The following SYT9 variants were observed in gnomAD, a reference collection of about 807,000 sequenced individuals.
The protein encoded by SYT9 is synaptotagmin-9.
In SYT9, 22 loss-of-function variants were observed where a neutral mutation model predicts 48.4. That is an observed-to-expected ratio of 0.45 (90% confidence interval 0.32 to 0.65). The LOEUF (loss-of-function observed/expected upper bound fraction) is 0.65, where lower values mean the gene tolerates loss of function less well. SYT9 is among the 30% of genes least tolerant of loss of function. SYT9 has a pLI of 0.03. For missense variants in SYT9, 577 were observed against 622.0 expected, an observed-to-expected ratio of 0.93 and a Z score of 0.77; for synonymous variants, 265 against 245.0, an observed-to-expected ratio of 1.08 and a Z score of -0.76.
intron 6 of SYT9, among the ~76,000 whole-genome samples, chr11:7,464,513 C>G (rs1018158949): frequency 3.9e-5 from 6 of 152,174 alleles, no homozygotes; most frequent in African/African-American, 1.4e-4. Context: ...AACGCTGCAT[C>G]CTCCATTAAA....
intron 2 of SYT9, among the ~76,000 whole-genome samples, chr11:7,304,714 A>G (rs1001875701): frequency 1.3e-5 from 2 of 152,224 alleles, no homozygotes; most frequent in Non-Finnish European, 2.9e-5. Flanking sequence ...CTGCCGTTTG[A>G]TTTAGAAGAA....
intron 3 of SYT9, among the ~76,000 whole-genome samples, chr11:7,382,593 GAT>G (rs1184260894): frequency 2.0e-5 from 3 of 152,186 alleles, no homozygotes; most frequent in Non-Finnish European, 4.4e-5. Flanking sequence ...GCATGGAAGA[GAT>G]ATAAATGTTG....
At chr11:7,247,819 C>G (rs146958992), upstream of SYT9, among the ~76,000 whole-genome samples, 1,060 of 151,764 alleles carry the variant, frequency 7.0e-3, 6 homozygotes, top group Non-Finnish European at 8.6e-3. Context: ...GTATAATGAC[C>G]TCTTTTGCTC....
intron 3 of SYT9, among the ~76,000 whole-genome samples, chr11:7,353,425 A>T (rs549071724): frequency 6.6e-6 from 1 of 152,274 alleles, no homozygotes; most frequent in South Asian, 2.1e-4. Flanking sequence ...CTTCCCCAGG[A>T]ACCCCCTTGG....
chr11:7,309,814 AC>A (rs1849098143), intron 2 of SYT9, among the ~76,000 whole-genome samples: 1 of 152,054 alleles, frequency 6.6e-6, no homozygotes, highest in Non-Finnish European at 1.5e-5. Context: ...GTTATGAGTT[AC>A]CCTGGTTCTC....
chr11:7,244,123 C>T (rs538213506), intron 1 of SYT9, among the ~76,000 whole-genome samples: 1 of 152,270 alleles, frequency 6.6e-6, no homozygotes, highest in South Asian at 2.1e-4. Flanking sequence ...GCCCTCCGAC[C>T]TGGAACATGG....
intron 6 of SYT9, chr11:7,440,730 T>C (rs903928364): frequency 1.3e-5 from 2 of 152,224 alleles, no homozygotes; most frequent in Non-Finnish European, 2.9e-5. Context: ...TAGGTTGATA[T>C]TTAGAATGAG....
intron 1 of SYT9, among the ~76,000 whole-genome samples, chr11:7,254,741 TGA>T (rs1169860424): frequency 6.6e-6 from 1 of 152,176 alleles, no homozygotes; most frequent in Non-Finnish European, 1.5e-5. Context: ...GGCCACCCTG[TGA>T]TAGCTAGGTT....
intron 6 of SYT9, chr11:7,465,868 C>G (rs1030017870): frequency 6.0e-6 from 1 of 165,304 alleles, no homozygotes; most frequent in African/African-American, 2.7e-5. Context: ...CTGATAAACC[C>G]ATCAGATCTC....
upstream of SYT9, among the ~76,000 whole-genome samples, chr11:7,251,099 G>GAC (rs369736479): frequency 0.19 from 24,682 of 131,794 alleles, 1,926 homozygotes; most frequent in Admixed American, 0.23. Context: ...GTGGCACAGT[G>GAC]ACACACACAC....
chr11:7,423,623 T>C (rs1423350203), intron 6 of SYT9, among the ~76,000 whole-genome samples: 1 of 152,198 alleles, frequency 6.6e-6, no homozygotes, highest in Non-Finnish European at 1.5e-5. Flanking sequence ...CAGTTATAGT[T>C]GTTATTATGT....
intron 3 of SYT9, among the ~76,000 whole-genome samples, chr11:7,330,118 C>T (rs948726641): frequency 2.0e-5 from 3 of 152,062 alleles, no homozygotes; most frequent in African/African-American, 4.8e-5. Flanking sequence ...CAGCTTTACT[C>T]ATAATTGACA....
In SYT9 at chr11:7,252,789, A is replaced by T. The variant is rs1847898139; in HGVS notation, c.145+458A>T. Among the ~76,000 whole-genome samples, 1 of 152,224 alleles carries T rather than the reference A, an allele frequency of 6.6e-6. No individual in the cohort carries two copies. The highest frequency in any genetic ancestry group is 1.5e-5 in the Non-Finnish European group (1 of 68,030). ...GGCCGAATCCCACCGGGTGCTGCTC[A>T]TCCTTTCTCCCAAGCGTCTAGTTCC... On this transcript the variant is annotated intron_variant, in intron 1 of 6. Coordinates refer to ENST00000318881, the MANE Select transcript of SYT9 (RefSeq NM_175733.4). The surrounding 1 kb of genome is among the most constrained non-coding windows in gnomAD (Gnocchi z 6.3).
At chr11:7,272,224 C>T (rs1029759329) in intron 1 of SYT9, among the ~76,000 whole-genome samples, 5 of 152,088 alleles carry the variant, frequency 3.3e-5, no homozygotes, top group Non-Finnish European at 7.3e-5. Context: ...GACTTTGGGA[C>T]ACAGCATGCC....
In SYT9 at chr11:7,451,017, A is replaced by G. The variant is rs899281871; in HGVS notation, c.1468-15775A>G. On this transcript the variant is annotated intron_variant, in intron 6 of 6. Transcript: ENST00000318881. ...GAACAATGCCTTAGAATTTTTAAGA[A>G]AATTCTTTTGTTTCCATCCTGCTGG... 7.2e-5 allele frequency among the ~76,000 whole-genome samples: 11 copies of G among 152,240 alleles called. No individual in the cohort carries two copies. The South Asian group carries it at 2.3e-3, about 31-fold the overall frequency.
At chr11:7,257,419 G>A (rs1847994413) in intron 1 of SYT9, among the ~76,000 whole-genome samples, 1 of 151,928 alleles carries the variant, frequency 6.6e-6, no homozygotes, top group Non-Finnish European at 1.5e-5. Flanking sequence ...TGTCTAAATA[G>A]TGTGTCATTA....
intron 3 of SYT9, among the ~76,000 whole-genome samples, chr11:7,349,495 C>G (rs1405771203): frequency 6.6e-6 from 1 of 151,988 alleles, no homozygotes; most frequent in African/African-American, 2.4e-5. Flanking sequence ...GCCCCTGCCT[C>G]CAGCCAGTTG....
intron 3 of SYT9, among the ~76,000 whole-genome samples, chr11:7,357,660 C>T (rs971764689): frequency 6.6e-5 from 10 of 151,932 alleles, no homozygotes; most frequent in African/African-American, 1.7e-4. Context: ...ATTGTTGAAC[C>T]TGCTACCATG....
chr11:7,352,394 A>G (rs2134004841), intron 3 of SYT9, among the ~76,000 whole-genome samples: 1 of 152,320 alleles, frequency 6.6e-6, no homozygotes, highest in East Asian at 1.9e-4. Flanking sequence ...GTTTATGTAG[A>G]CTAGTCAGAA....
Sources: gnomAD v4.1 joint callset for allele counts (sites outside exome capture counted in the v4.1 genomes callset) on GRCh38, gnomAD v4.1.1 for gene constraint, Gnocchi (gnomAD v3.1) non-coding constraint, MANE v1.5 for transcripts, NCBI Gene and HGNC (gene_info 2026-07-23, HGNC 2026-07-21) for gene names.